Variants in FBLN7 observed in about 807,000 individuals in gnomAD.
FBLN7 encodes the protein fibulin-7.
FBLN7 carries 31 observed loss-of-function variants against 44.0 expected under a neutral mutation model. The observed-to-expected ratio is 0.70, with a 90% CI of 0.53 to 0.95. The LOEUF (loss-of-function observed/expected upper bound fraction) is 0.95. FBLN7 is among the 40% of genes least tolerant of loss of function. The pLI is 0.00. For synonymous variants in FBLN7, 262 were observed against 253.4 expected (o/e 1.03, Z -0.32); for missense variants, 573 against 618.5 (o/e 0.93, Z 0.78).
intron 3 of FBLN7, among the ~76,000 whole-genome samples, 166 bp from the exon 4 acceptor site, chr2:112,175,548 T>C (rs72831629): frequency 0.051 from 7,840 of 152,296 alleles, 304 homozygotes; most frequent in South Asian, 0.11. Context: ...ATCGGCCCCC[T>C]GGCAGCTCTT....
intron 2 of FBLN7, among the ~76,000 whole-genome samples, 180 bp downstream of exon 2, chr2:112,160,015 G>C (rs1681653829): frequency 6.6e-6 from 1 of 151,608 alleles, no homozygotes; most frequent in Non-Finnish European, 1.5e-5. Flanking sequence ...TTTTGAGACG[G>C]AGTCTCGCTC....
the FBLN7 span, among the ~76,000 whole-genome samples, chr2:112,196,795 C>A: frequency 6.6e-6 from 1 of 152,028 alleles, no homozygotes; most frequent in African/African-American, 2.4e-5. Context: ...AAGACATACC[C>A]AAGATTGGGT....
the FBLN7 span, among the ~76,000 whole-genome samples, chr2:112,229,747 T>C: frequency 6.6e-6 from 1 of 152,152 alleles, no homozygotes; most frequent in Admixed American, 6.5e-5. Context: ...GCACCATTAC[T>C]GTACCAACTG....
At chr2:112,231,089 G>A in the FBLN7 span, 1 of 503,702 alleles carries the variant, frequency 2.0e-6, no homozygotes, top group Non-Finnish European at 2.9e-6. Context: ...ACTACTACAG[G>A]AACTGAAAAA....
chr2:112,203,270 A>G, the FBLN7 span, among the ~76,000 whole-genome samples: 1 of 152,218 alleles, frequency 6.6e-6, no homozygotes, highest in African/African-American at 2.4e-5. Context: ...AGAATATTGA[A>G]GGTATGTCCC....
the FBLN7 span, among the ~76,000 whole-genome samples, chr2:112,221,572 T>C: frequency 2.6e-5 from 4 of 152,154 alleles, no homozygotes; most frequent in African/African-American, 9.7e-5. Context: ...TTTATTGTTT[T>C]TACTTTATTT....
At chr2:112,195,563 G>A in the FBLN7 span, among the ~76,000 whole-genome samples, 1 of 152,180 alleles carries the variant, frequency 6.6e-6, no homozygotes, top group South Asian at 2.1e-4. Flanking sequence ...TTCCTGTCCA[G>A]CTCCCAGGGG....
intron 1 of FBLN7, among the ~76,000 whole-genome samples, chr2:112,141,115 G>A (rs955726482): frequency 2.6e-5 from 4 of 152,218 alleles, no homozygotes; most frequent in African/African-American, 9.7e-5. Flanking sequence ...TACCAACAGC[G>A]GTGGGCAGCG....
In FBLN7 at chr2:112,138,430, G is replaced by C. The variant is rs981530519; in HGVS notation, c.-226G>C. 3 of 253,374 alleles carry C rather than the reference G, an allele frequency of 1.2e-5. No homozygotes were observed. Among genetic ancestry groups the C allele is most frequent in the Non-Finnish European group, 1.4e-5 (2 of 142,322 alleles). 15.7% of individuals were successfully genotyped at this position (253,374 alleles called of 1,614,324 possible). A position where few individuals can be genotyped will look rare whatever the true frequency, so the allele number is the denominator to read the frequency against. On this transcript the variant is annotated 5_prime_UTR_variant, in exon 1 of 8. Coordinates refer to ENST00000331203, the MANE Select transcript of FBLN7 (RefSeq NM_153214.3). Reference sequence around the variant, plus strand: ...CTCCCCGCCTCGCGCGGACTGTCTCGTGCGGGCAGCTGCGGGCGCACCTGG... The same window carrying C: ...CTCCCCGCCTCGCGCGGACTGTCTCCTGCGGGCAGCTGCGGGCGCACCTGG...
In FBLN7 at chr2:112,160,686, GCACACGCACACACGCACGCA is replaced by G. The variant is rs1681730135; in HGVS notation, c.235+857_235+876del. Among the ~76,000 whole-genome samples, 3 of 130,842 alleles carry G rather than the reference GCACACGCACACACGCACGCA, an allele frequency of 2.3e-5. No homozygotes were observed. In the South Asian group the frequency reaches 7.4e-4, roughly 32 times the overall value. The allele number at this position is 130,842 out of a possible 152,430, so 85.8% of individuals were successfully genotyped here. A position where few individuals can be genotyped will look rare whatever the true frequency, so the allele number is the denominator to read the frequency against. On this transcript the variant is annotated intron_variant, in intron 2 of 7. Coordinates refer to ENST00000331203, the MANE Select transcript of FBLN7 (RefSeq NM_153214.3). ...CACGCACACGCACACGCAGACGCAC[GCACACGCACACACGCACGCA>G]CACACACAAGCACGCGCACACGCAC...
chr2:112,218,673 GA>G, the FBLN7 span, among the ~76,000 whole-genome samples: 2 of 152,058 alleles, frequency 1.3e-5, no homozygotes, highest in East Asian at 1.9e-4. Context: ...CTACAATTTG[GA>G]AACATAGAGA....
chr2:112,232,586 G>A, the FBLN7 span, among the ~76,000 whole-genome samples: 1 of 152,098 alleles, frequency 6.6e-6, no homozygotes, highest in Non-Finnish European at 1.5e-5. Context: ...TTTGGGGGTG[G>A]AGGAATCAAA....
chr2:112,154,438 G>T (rs1308319939), intron 1 of FBLN7, among the ~76,000 whole-genome samples: 2 of 152,142 alleles, frequency 1.3e-5, no homozygotes, highest in African/African-American at 4.8e-5. Context: ...TCTGGAACAC[G>T]CTCTGTCCTT....
the FBLN7 span, among the ~76,000 whole-genome samples, chr2:112,229,771 C>T: frequency 2.6e-5 from 4 of 151,828 alleles, no homozygotes; most frequent in Admixed American, 2.0e-4. Context: ...ATACAATTCC[C>T]AATGGATTAA....
chr2:112,165,251 C>A, intron 3 of FBLN7, 80 bp downstream of exon 3: 1 of 1,502,128 alleles, frequency 6.7e-7, no homozygotes, highest in Non-Finnish European at 9.0e-7. Context: ...AGGGTCATTC[C>A]TTGGAACATT....
At chr2:112,208,809 G>A in the FBLN7 span, among the ~76,000 whole-genome samples, 2 of 152,092 alleles carry the variant, frequency 1.3e-5, no homozygotes, top group African/African-American at 2.4e-5. Flanking sequence ...TAACTTAAAA[G>A]TGACAACTTC....
intron 3 of FBLN7, 33 bp downstream of exon 3, chr2:112,165,204 G>C: frequency 2.5e-6 from 4 of 1,601,846 alleles, no homozygotes; most frequent in Non-Finnish European, 3.4e-6. Context: ...CACTGCGCTG[G>C]ACCCATCACA....
the FBLN7 span, among the ~76,000 whole-genome samples, chr2:112,222,973 A>C: frequency 6.6e-6 from 1 of 152,342 alleles, no homozygotes; most frequent in Middle Eastern, 3.4e-3. Context: ...TAAAGTATCC[A>C]TCTATTCCTA....
intron 2 of FBLN7, among the ~76,000 whole-genome samples, chr2:112,160,113 C>T (rs1018232595): frequency 1.3e-5 from 2 of 152,172 alleles, no homozygotes; most frequent in African/African-American, 4.8e-5. Flanking sequence ...GCCTCAGCCT[C>T]CCGCGTAGCT....
Sources: gnomAD v4.1 joint callset for allele counts (sites outside exome capture counted in the v4.1 genomes callset) on GRCh38, gnomAD v4.1.1 for gene constraint, MANE v1.5 for transcripts, NCBI Gene and HGNC (gene_info 2026-07-23, HGNC 2026-07-21) for gene names.